EFCAB5: variants seen among roughly 807,000 people sequenced by gnomAD.
EFCAB5 encodes the protein EF-hand calcium binding domain 5.
A neutral mutation model predicts 167.9 loss-of-function variants in EFCAB5; 131 were observed. The observed-to-expected ratio is 0.78, with a 90% CI of 0.68 to 0.90. The LOEUF is 0.90. Ranked by LOEUF, EFCAB5 falls within the 40% of genes least tolerant of loss-of-function variation. The probability of loss-of-function intolerance (pLI) is 0.00; values close to 1 mark genes in which losing one functional copy is unlikely to be tolerated. For missense variants in EFCAB5, 1,663 were observed against 1,745.2 expected (o/e 0.95, Z 0.84); for synonymous variants, 574 against 602.8 (o/e 0.95, Z 0.70).
intron 4 of EFCAB5, among the ~76,000 whole-genome samples, chr17:29,975,595 T>C (rs944739012): frequency 4.6e-5 from 7 of 152,228 alleles, no homozygotes; most frequent in Non-Finnish European, 5.9e-5. Flanking sequence ...TGACTTGTTT[T>C]AGTGTCTTTC....
chr17:29,961,178 A>T (rs1391342676), intron 3 of EFCAB5, among the ~76,000 whole-genome samples: 3 of 152,166 alleles, frequency 2.0e-5, no homozygotes, highest in Non-Finnish European at 4.4e-5. Flanking sequence ...GTGGTATCTC[A>T]TTGTAGTTAT....
At chr17:30,028,008 C>T (rs1380095590) in intron 7 of EFCAB5, among the ~76,000 whole-genome samples, 2 of 152,252 alleles carry the variant, frequency 1.3e-5, no homozygotes, top group South Asian at 2.1e-4. Flanking sequence ...ACTACAAATA[C>T]TAGAAAGTAT....
chr17:30,019,670 T>C (rs373776852), intron 7 of EFCAB5, among the ~76,000 whole-genome samples: 3 of 152,058 alleles, frequency 2.0e-5, no homozygotes, highest in African/African-American at 7.2e-5. Flanking sequence ...GGTCTTGAAC[T>C]CCTGACCTCA....
rs368763307 is a variant in EFCAB5 at position 30,081,372 on chromosome 17, A to T, written c.3426+391A>T. Among the ~76,000 whole-genome samples, 26 of 152,336 alleles carry T rather than the reference A, an allele frequency of 1.7e-4. No individual in the cohort carries two copies. In the East Asian group the frequency reaches 4.0e-3, roughly 24 times the overall value. Reference sequence around the variant, plus strand: ...ATCTTTTGTACTTTCTACAAATGGTACTAATTCTGATATGCATCCCCATAG... The same window carrying T: ...ATCTTTTGTACTTTCTACAAATGGTTCTAATTCTGATATGCATCCCCATAG... On this transcript the variant is annotated intron_variant, in intron 17 of 22. Transcript: ENST00000394835.
intron 14 of EFCAB5, among the ~76,000 whole-genome samples, chr17:30,072,397 A>G (rs2070762462): frequency 1.3e-5 from 2 of 152,350 alleles, no homozygotes; most frequent in South Asian, 2.1e-4. Flanking sequence ...ACAAAGTTAC[A>G]GAAACCATGA....
chr17:30,080,224 G>A lies in EFCAB5; in HGVS notation c.3180G>A (p.Arg1060=). 6.3e-7 allele frequency: 1 copy of A among 1,585,546 alleles called. No homozygotes were observed. Among genetic ancestry groups the A allele is most frequent in the Non-Finnish European group, 8.5e-7 (1 of 1,171,370 alleles). Residue 1060 remains arginine (R), a synonymous_variant, in exon 16 of 23, where the codon AGG becomes AGA. Coordinates refer to ENST00000394835, the MANE Select transcript of EFCAB5 (RefSeq NM_198529.4). ...AQFVLNRVLY[R]DMKGISFTVV... Reference sequence around the variant, plus strand: ...TTGTACTGAACAGAGTGCTCTACAGGGACATGAAAGGAATCAGGTAAGAAC... The same window carrying A: ...TTGTACTGAACAGAGTGCTCTACAGAGACATGAAAGGAATCAGGTAAGAAC...
intron 14 of EFCAB5, chr17:30,074,180 GAGTGT>G (rs1485549333): frequency 6.6e-6 from 1 of 152,106 alleles, no homozygotes; most frequent in Non-Finnish European, 1.5e-5. Flanking sequence ...GCCCAAGCTG[GAGTGT>G]AGTGGCATGT....
intron 14 of EFCAB5, among the ~76,000 whole-genome samples, chr17:30,072,880 A>G (rs1257937580): frequency 2.6e-5 from 4 of 152,016 alleles, no homozygotes; most frequent in African/African-American, 9.7e-5. Context: ...CCTTTTTGTC[A>G]ACTTTTCATT....
chr17:29,957,374 G>T (rs1052028467), intron 3 of EFCAB5, among the ~76,000 whole-genome samples: 2 of 151,962 alleles, frequency 1.3e-5, no homozygotes, highest in Non-Finnish European at 2.9e-5. Context: ...ATGCAGGTTT[G>T]TTACATAGGT....
intron 5 of EFCAB5, among the ~76,000 whole-genome samples, chr17:29,995,127 C>T (rs779915938): frequency 6.6e-6 from 1 of 152,282 alleles, no homozygotes; most frequent in African/African-American, 2.4e-5. Flanking sequence ...GTTCTTCTAC[C>T]TTAGCCTCCT....
At chr17:30,004,107 G>A (rs2068724514) in intron 7 of EFCAB5, among the ~76,000 whole-genome samples, 1 of 152,202 alleles carries the variant, frequency 6.6e-6, no homozygotes, top group South Asian at 2.1e-4. Context: ...GAAGAGGCCT[G>A]GCTTCTCCCC....
intron 7 of EFCAB5, among the ~76,000 whole-genome samples, chr17:30,004,787 AT>A (rs60231360): frequency 0.075 from 8,643 of 115,036 alleles, 460 homozygotes; most frequent in African/African-American, 0.21. Context: ...CTCCTGGCTA[AT>A]TTTTTTTTTT....
chr17:30,039,619 C>G (rs1049907264), intron 8 of EFCAB5, among the ~76,000 whole-genome samples: 1 of 152,186 alleles, frequency 6.6e-6, no homozygotes, highest in African/African-American at 2.4e-5. Flanking sequence ...TAGATGTCAT[C>G]TGGATCAAGG....
intron 7 of EFCAB5, among the ~76,000 whole-genome samples, chr17:30,018,269 T>A (rs1422539342): frequency 6.6e-6 from 1 of 152,066 alleles, no homozygotes; most frequent in South Asian, 2.1e-4. Flanking sequence ...CTATGTTCTG[T>A]TATTAAAACA....
chr17:30,011,544 G>C (rs1362803809), intron 7 of EFCAB5, among the ~76,000 whole-genome samples: 1 of 152,066 alleles, frequency 6.6e-6, no homozygotes, highest in Non-Finnish European at 1.5e-5. Flanking sequence ...TGGATTCCTA[G>C]GTATTTTATT....
intron 8 of EFCAB5, among the ~76,000 whole-genome samples, chr17:30,042,102 A>G (rs2069789753): frequency 6.6e-6 from 1 of 151,794 alleles, no homozygotes; most frequent in African/African-American, 2.4e-5. Flanking sequence ...TCTGCTGCCT[A>G]AGTTCAAGTG....
At chr17:29,945,082 C>A (rs1424361474) in intron 3 of EFCAB5, among the ~76,000 whole-genome samples, 1 of 152,138 alleles carries the variant, frequency 6.6e-6, no homozygotes, top group East Asian at 1.9e-4. Context: ...AGAAGACATT[C>A]ATCTCTTTCA....
intron 4 of EFCAB5, among the ~76,000 whole-genome samples, chr17:29,984,527 G>A (rs190820994): frequency 1.4e-4 from 21 of 152,092 alleles, no homozygotes; most frequent in Admixed American, 1.2e-3. Flanking sequence ...AGACCAGCCT[G>A]GCCAACTTGG....
At chr17:30,023,430 G>A (rs2069233805) in intron 7 of EFCAB5, among the ~76,000 whole-genome samples, 2 of 152,096 alleles carry the variant, frequency 1.3e-5, no homozygotes, top group South Asian at 4.1e-4. Context: ...AGAAAATCTA[G>A]AAGAAATGGA....
Sources: gnomAD v4.1 joint callset for allele counts (sites outside exome capture counted in the v4.1 genomes callset) on GRCh38, gnomAD v4.1.1 for gene constraint, MANE v1.5 for transcripts, NCBI Gene and HGNC (gene_info 2026-07-23, HGNC 2026-07-21) for gene names.